Variants in ZNF367 observed in about 807,000 individuals in gnomAD.
The protein encoded by ZNF367 is C2H2 zinc finger protein ZFF29.
A neutral mutation model predicts 31.8 loss-of-function variants in ZNF367; 11 were observed. That is an observed-to-expected ratio of 0.35 (90% CI 0.22 to 0.57). ZNF367 has a LOEUF of 0.57. ZNF367 is among the 20% of genes least tolerant of loss of function. The pLI, the probability that ZNF367 is intolerant of heterozygous loss-of-function variation, is 0.85. For missense variants in ZNF367, 353 were observed against 484.1 expected (o/e 0.73, Z 2.54); for synonymous variants, 199 against 202.4 (o/e 0.98, Z 0.14).
chr9:96,417,751 G>T lies in ZNF367; in HGVS notation c.282C>A (p.Ala94=), dbSNP rs942630901. Residue 94 remains alanine, a synonymous_variant, in exon 1 of 5, where the codon GCC becomes GCA. Transcript: ENST00000375256. The surrounding 1 kb of genome is among the most constrained non-coding windows in gnomAD (Gnocchi z 5.0). ...GCTCGGCGGCTGCGGCTGCAGGCAG[G>T]GCGGCCGAGGCGGCGGCCCCCGCGG... ...PGAAGAAASA[A]LPAAAAAEHS... is the part of the protein sequence containing the mutation. 5 of 1,233,524 alleles carry T rather than the reference G, an allele frequency of 4.1e-6. No individual in the cohort carries two copies. The highest frequency in any genetic ancestry group is 8.5e-5 in the Admixed American group (2 of 23,534). The allele number at this position is 1,233,524 out of a possible 1,614,324, so 76.4% of individuals were successfully genotyped here.
chr9:96,415,478 C>CTTTTTTTTTTTTT (rs1564146059), intron 1 of ZNF367, among the ~76,000 whole-genome samples: 1 of 65,520 alleles, frequency 1.5e-5, no homozygotes, highest in African/African-American at 5.6e-5. Flanking sequence ...TTAGTTTCTT[C>CTTTTTTTTTTTTT]ATTTTTTTTT....
chr9:96,404,801 C>T (rs1056764435), intron 1 of ZNF367, among the ~76,000 whole-genome samples: 3 of 151,880 alleles, frequency 2.0e-5, no homozygotes, highest in African/African-American at 7.3e-5. Flanking sequence ...CAGGACATTA[C>T]AAAGAAAACG....
Position 96,418,228 on chromosome 9 carries a change from C to T in ZNF367, c.-196G>A. 1 of 783,836 alleles carries T rather than the reference C, an allele frequency of 1.3e-6. No individual in the cohort carries two copies. 48.6% of individuals were successfully genotyped at this position (783,836 alleles called of 1,614,324 possible). ...GGCGGGCAGGGCTGGACCCCAGCCC[C>T]AGGTCAAGCGCGCCCTCCGCTCTTT... is the stretch of plus-strand genomic sequence containing the variant. On this transcript the variant is annotated 5_prime_UTR_variant, in exon 1 of 5. Transcript: ENST00000375256.
chr9:96,405,314 C>CAAAAAAAAAAAA (rs975848691), intron 1 of ZNF367, among the ~76,000 whole-genome samples: 13 of 55,126 alleles, frequency 2.4e-4, no homozygotes, highest in African/African-American at 7.4e-4. Flanking sequence ...AACTCTGTCT[C>CAAAAAAAAAAAA]AAAAAAAAAA....
rs143702241 is a variant in ZNF367 at position 96,397,030 on chromosome 9, C to T, written c.571+1134G>A. ...TTTATCTAAAAGTGTCATTTCAATA[C>T]ATAATCAACAGTAAAAATTATTGTT... On this transcript the variant is annotated intron_variant, in intron 2 of 4. Coordinates refer to ENST00000375256, the MANE Select transcript of ZNF367 (RefSeq NM_153695.4). Among the ~76,000 whole-genome samples, 499 of 152,286 alleles carry T rather than the reference C, an allele frequency of 3.3e-3. 4 individuals are homozygous for T. The highest frequency in any genetic ancestry group is 0.012 in the African/African-American group (480 of 41,576).
At position 96,394,560 on chromosome 9, in the gene ZNF367, T is replaced by C. The variant is rs572742464; in HGVS notation, c.691+263A>G. ...CCATTTACCATGTGATTATTATGCA[T>C]TGCATGTCTGTATCAAGTATCTCAT... On this transcript the variant is annotated intron_variant, in intron 3 of 4. Transcript: ENST00000375256. Among the ~76,000 whole-genome samples the C allele has an allele frequency of 3.3e-5, 5 of 152,340 alleles. No individual in the cohort carries two copies. In the South Asian group the frequency reaches 6.2e-4, roughly 19 times the overall value.
At chr9:96,410,332 C>A (rs1472336779) in intron 1 of ZNF367, among the ~76,000 whole-genome samples, 1 of 147,812 alleles carries the variant, frequency 6.8e-6, no homozygotes. Flanking sequence ...GAGACCGAGG[C>A]GGGTGGATCA....
At chr9:96,399,000 C>T (rs960042975) in intron 1 of ZNF367, among the ~76,000 whole-genome samples, 2 of 152,096 alleles carry the variant, frequency 1.3e-5, no homozygotes, top group African/African-American at 4.8e-5. Flanking sequence ...CTGCAGCCAC[C>T]TGGGGCAAAA....
At chr9:96,407,324 A>G in intron 1 of ZNF367, 2 of 1,570,098 alleles carry the variant, frequency 1.3e-6, no homozygotes, top group Admixed American at 1.7e-5. Context: ...CGTAAACGCT[A>G]TGGATACCGT....
At chr9:96,404,794 G>C (rs1401961572) in intron 1 of ZNF367, among the ~76,000 whole-genome samples, 1 of 151,882 alleles carries the variant, frequency 6.6e-6, no homozygotes, top group African/African-American at 2.4e-5. Flanking sequence ...TACATCACAG[G>C]ACATTACAAA....
intron 2 of ZNF367, 93 bp from the exon 3 acceptor site, chr9:96,395,035 C>T (rs1329340507): frequency 3.1e-5 from 42 of 1,374,714 alleles, no homozygotes; most frequent in Non-Finnish European, 3.7e-5. Flanking sequence ...TAGGTCATGA[C>T]TCCCAATAAC....
intron 1 of ZNF367, among the ~76,000 whole-genome samples, chr9:96,413,077 T>C (rs768209826): frequency 6.6e-6 from 1 of 152,178 alleles, no homozygotes; most frequent in Non-Finnish European, 1.5e-5. Flanking sequence ...TCTATTTACA[T>C]GTGATAGTCC....
chr9:96,414,162 G>A (rs927191190), intron 1 of ZNF367, among the ~76,000 whole-genome samples: 1 of 151,926 alleles, frequency 6.6e-6, no homozygotes, highest in Non-Finnish European at 1.5e-5. Context: ...TTTCCTTCTT[G>A]CCCCCACAAA....
intron 2 of ZNF367, among the ~76,000 whole-genome samples, chr9:96,396,221 CCA>C (rs1831528970): frequency 6.6e-6 from 1 of 152,102 alleles, no homozygotes; most frequent in Non-Finnish European, 1.5e-5. Flanking sequence ...CTTCATTCTG[CCA>C]CATAGTCTTG....
Position 96,387,957 on chromosome 9 carries a change from T to G in ZNF367, c.*280A>C. Reference sequence around the variant, plus strand: ...GTGAGAACTGCTTCCAATGAATGCATTAAACTTGCAAAATCTAGCTTCCCA... The same window carrying G: ...GTGAGAACTGCTTCCAATGAATGCAGTAAACTTGCAAAATCTAGCTTCCCA... On this transcript the variant is annotated 3_prime_UTR_variant, in exon 5 of 5. Transcript: ENST00000375256. 1 of 350,872 alleles carries G rather than the reference T, an allele frequency of 2.9e-6. No homozygotes were observed. The highest frequency in any genetic ancestry group is 5.1e-6 in the Non-Finnish European group (1 of 195,882). 21.7% of individuals were successfully genotyped at this position (350,872 alleles called of 1,614,324 possible).
At chr9:96,414,506 A>G (rs1831792749) in intron 1 of ZNF367, among the ~76,000 whole-genome samples, 1 of 152,050 alleles carries the variant, frequency 6.6e-6, no homozygotes, top group African/African-American at 2.4e-5. Context: ...TTTAAGACGG[A>G]GTCTCACTGT....
In ZNF367 at chr9:96,417,619, G is replaced by A; in HGVS notation, c.414C>T (p.His138=). The A allele has an allele frequency of 1.5e-6, 1 of 663,212 alleles. No individual in the cohort carries two copies. The highest frequency in any genetic ancestry group is 2.1e-6 in the Non-Finnish European group (1 of 475,006). The allele number at this position is 663,212 out of a possible 1,614,324, so 41.1% of individuals were successfully genotyped here. A position where few individuals can be genotyped will look rare whatever the true frequency, so the allele number is the denominator to read the frequency against. ...EEEASSPDSG[H]LKDGIRRGRP... ...GCCCGCCCGCGCCGCTCACCTTGAG[G>A]TGGCCGCTGTCTGGGCTGCTCGCTT... Residue 138 remains histidine, a synonymous_variant, in exon 1 of 5, where the codon CAC becomes CAT. Transcript: ENST00000375256. This position sits in a 1 kb window ranked among gnomAD's most constrained non-coding sequence, Gnocchi z 5.0.
chr9:96,408,051 C>A (rs932371453), intron 1 of ZNF367, among the ~76,000 whole-genome samples: 1 of 151,594 alleles, frequency 6.6e-6, no homozygotes, highest in African/African-American at 2.4e-5. Context: ...CATCACACAC[C>A]GGGCCTGTCG....
At chr9:96,414,607 A>AG in intron 1 of ZNF367, among the ~76,000 whole-genome samples, 1 of 152,104 alleles carries the variant, frequency 6.6e-6, no homozygotes, top group East Asian at 1.9e-4. Context: ...CCTCCCAAGT[A>AG]GCTGGGACTA....
Sources: gnomAD v4.1 joint callset for allele counts (sites outside exome capture counted in the v4.1 genomes callset) on GRCh38, gnomAD v4.1.1 for gene constraint, Gnocchi (gnomAD v3.1) non-coding constraint, MANE v1.5 for transcripts, NCBI Gene and HGNC (gene_info 2026-07-23, HGNC 2026-07-21) for gene names.